The following RORA variants were observed in gnomAD, a reference collection of about 807,000 sequenced individuals.
The protein encoded by RORA is RAR related orphan receptor A, also known as nuclear receptor ROR-alpha.
In RORA, 7 loss-of-function variants were observed where a neutral mutation model predicts 69.5. The observed-to-expected ratio is 0.10, with a 90% CI of 0.06 to 0.19. The LOEUF (loss-of-function observed/expected upper bound fraction) is 0.19. RORA is among the 10% of genes least tolerant of loss of function. The pLI is 1.00. For synonymous variants in RORA, 261 were observed against 240.8 expected, an observed-to-expected ratio of 1.08 and a Z score of -0.78; for missense variants, 457 against 663.0, an observed-to-expected ratio of 0.69 and a Z score of 3.41.
intron 1 of RORA, among the ~76,000 whole-genome samples, chr15:61,081,787 A>G (rs1170316788): frequency 9.3e-5 from 14 of 150,732 alleles, no homozygotes; most frequent in African/African-American, 2.9e-4. Context: ...CAGCCTAGGC[A>G]ACAGAGCAAG....
chr15:61,056,880 A>G (rs1351089148), intron 1 of RORA, among the ~76,000 whole-genome samples: 2 of 152,222 alleles, frequency 1.3e-5, no homozygotes, highest in Non-Finnish European at 2.9e-5. Flanking sequence ...GGCTTCTCAC[A>G]GTATTTGGCC....
intron 1 of RORA, among the ~76,000 whole-genome samples, chr15:61,187,526 T>A (rs1454488729): frequency 6.6e-6 from 1 of 152,170 alleles, no homozygotes; most frequent in Admixed American, 6.5e-5. Flanking sequence ...GGATGGGAAG[T>A]GGGCCCGTGT....
chr15:60,867,102 G>A (rs2073498389), intron 1 of RORA, among the ~76,000 whole-genome samples: 1 of 152,158 alleles, frequency 6.6e-6, no homozygotes, highest in South Asian at 2.1e-4. Flanking sequence ...CTGGGCTCAA[G>A]TGATCTGCCT....
intron 1 of RORA, among the ~76,000 whole-genome samples, chr15:60,990,770 AC>A (rs1894350818): frequency 6.6e-6 from 1 of 152,186 alleles, no homozygotes; most frequent in Non-Finnish European, 1.5e-5. Context: ...AAGCAAAAAT[AC>A]TTGGACCATT....
At chr15:60,562,433 G>C (rs550461405) in intron 2 of RORA, among the ~76,000 whole-genome samples, 13 of 147,916 alleles carry the variant, frequency 8.8e-5, no homozygotes, top group South Asian at 4.3e-4. Flanking sequence ...GGCGGGGTTG[G>C]GGGGGGGTTG....
Position 60,621,508 on chromosome 15 carries a change from AG to A in RORA, c.196+57148del, listed in dbSNP as rs1484687028. On this transcript the variant is annotated intron_variant, in intron 2 of 10. Transcript: ENST00000335670. ...CAGGCTTGCAGGGGTGCCTTGTTAG[AG>A]CTGGGCTTTGAAGAATGACTCCAGT... Among the ~76,000 whole-genome samples the A allele has an allele frequency of 2.0e-5, 3 of 152,180 alleles. No individual in the cohort carries two copies. The East Asian group carries it at 5.8e-4, about 29-fold the overall frequency.
intron 1 of RORA, among the ~76,000 whole-genome samples, chr15:60,776,505 G>A (rs10519068): frequency 0.22 from 33,490 of 152,166 alleles, 4,788 homozygotes; most frequent in African/African-American, 0.41. Context: ...AGGAGCATCA[G>A]AGACTTCACA....
At chr15:60,677,460 T>C (rs2140746680) in intron 2 of RORA, among the ~76,000 whole-genome samples, 1 of 152,280 alleles carries the variant, frequency 6.6e-6, no homozygotes, top group South Asian at 2.1e-4. Context: ...CCTGACCTTT[T>C]CATTGTTCCT....
Position 60,905,051 on chromosome 15 carries a change from C to T in RORA, c.167-226365G>A, listed in dbSNP as rs953699062. Reference sequence around the variant, plus strand: ...CATTACCTGAACAAACGGGTGAGGGCTTGAGGCTCTGGGGGCGCTCGTCTT... The same window carrying T: ...CATTACCTGAACAAACGGGTGAGGGTTTGAGGCTCTGGGGGCGCTCGTCTT... On this transcript the variant is annotated intron_variant, in intron 1 of 10. Coordinates refer to ENST00000335670, the MANE Select transcript of RORA (RefSeq NM_134261.3). This position sits in a 1 kb window ranked among gnomAD's most constrained non-coding sequence, Gnocchi z 4.8. 6.6e-6 allele frequency among the ~76,000 whole-genome samples: 1 copy of T among 152,150 alleles called. No individual in the cohort carries two copies. Among genetic ancestry groups the T allele is most frequent in the Non-Finnish European group, 1.5e-5 (1 of 68,038 alleles).
intron 1 of RORA, among the ~76,000 whole-genome samples, chr15:61,006,104 G>A (rs1206446068): frequency 6.6e-6 from 1 of 152,050 alleles, no homozygotes; most frequent in Non-Finnish European, 1.5e-5. Context: ...GAGTAGCTGG[G>A]ATTACAGGCA....
At chr15:60,895,258 C>T (rs192754305) in intron 1 of RORA, among the ~76,000 whole-genome samples, 3 of 152,244 alleles carry the variant, frequency 2.0e-5, no homozygotes, top group East Asian at 3.9e-4. Flanking sequence ...TGAATTTTTA[C>T]AGTAAACAGT....
At chr15:61,018,688 AG>A (rs1458220553) in intron 1 of RORA, among the ~76,000 whole-genome samples, 8 of 152,198 alleles carry the variant, frequency 5.3e-5, no homozygotes, top group African/African-American at 1.9e-4. Flanking sequence ...CTCATGGATA[AG>A]TACAGATGTA....
intron 1 of RORA, among the ~76,000 whole-genome samples, chr15:61,072,519 T>C (rs2078382219): frequency 6.6e-6 from 1 of 152,164 alleles, no homozygotes. Context: ...CCATATGACT[T>C]TCCAATAAAT....
At chr15:61,204,284 T>C (rs933288994) in intron 1 of RORA, among the ~76,000 whole-genome samples, 1 of 152,230 alleles carries the variant, frequency 6.6e-6, no homozygotes, top group Non-Finnish European at 1.5e-5. Flanking sequence ...TTCACACGAA[T>C]GTATCCCCAG....
At chr15:60,847,520 A>G (rs1226034797) in intron 1 of RORA, among the ~76,000 whole-genome samples, 1 of 152,062 alleles carries the variant, frequency 6.6e-6, no homozygotes, top group African/African-American at 2.4e-5. Flanking sequence ...AACACCTTTG[A>G]GTAGACTTTG....
At chr15:60,853,068 G>A (rs576550577) in intron 1 of RORA, among the ~76,000 whole-genome samples, 2 of 152,252 alleles carry the variant, frequency 1.3e-5, no homozygotes, top group Admixed American at 6.5e-5. Flanking sequence ...TATAACGAGA[G>A]CCAGCCAGAC....
chr15:60,711,453 G>A (rs1390790459), intron 1 of RORA, among the ~76,000 whole-genome samples: 3 of 152,160 alleles, frequency 2.0e-5, no homozygotes, highest in African/African-American at 7.2e-5. Context: ...ACAGTTTCAG[G>A]CAGCAGTTGA....
intron 1 of RORA, among the ~76,000 whole-genome samples, chr15:60,750,098 A>G (rs2071702934): frequency 1.3e-5 from 2 of 152,222 alleles, no homozygotes. Flanking sequence ...ATTATTTCAT[A>G]TTATCTTCAC....
In RORA at chr15:61,210,080, C is replaced by T. The variant is rs2079977259; in HGVS notation, c.166+18973G>A. On this transcript the variant is annotated intron_variant, in intron 1 of 10. Coordinates refer to ENST00000335670, the MANE Select transcript of RORA (RefSeq NM_134261.3). ...TCTGTGTGTACAGGGGCCAGTTGGA[C>T]AGATGCTCCCGGGATGCTGAGGGTT... Among the ~76,000 whole-genome samples the T allele has an allele frequency of 2.0e-5, 3 of 152,184 alleles. No homozygotes were observed. In the South Asian group the frequency reaches 6.2e-4, roughly 32 times the overall value.
Sources: gnomAD v4.1 joint callset for allele counts (sites outside exome capture counted in the v4.1 genomes callset) on GRCh38, gnomAD v4.1.1 for gene constraint, Gnocchi (gnomAD v3.1) non-coding constraint, MANE v1.5 for transcripts, NCBI Gene and HGNC (gene_info 2026-07-23, HGNC 2026-07-21) for gene names.